The following BCAS1 variants were observed in gnomAD, a reference collection of about 807,000 sequenced individuals.
BCAS1 encodes breast carcinoma-amplified sequence 1.
In BCAS1, 46 loss-of-function variants were observed where a neutral mutation model predicts 65.4. The ratio of observed to expected loss-of-function variants is 0.70; its 90% CI spans 0.55 to 0.90. The LOEUF (loss-of-function observed/expected upper bound fraction) is 0.90. BCAS1 is among the 40% of genes least tolerant of loss of function. The pLI is 0.00. For synonymous variants in BCAS1, 298 were observed against 293.5 expected (o/e 1.02, Z -0.16); for missense variants, 793 against 771.2 (o/e 1.03, Z -0.33).
intron 8 of BCAS1, among the ~76,000 whole-genome samples, chr20:53,982,482 G>A (rs1384711596): frequency 1.3e-5 from 2 of 152,072 alleles, no homozygotes; most frequent in Non-Finnish European, 2.9e-5. Flanking sequence ...CCTGTTCTGG[G>A]AAAAATTCAT....
rs866249997 is a variant in BCAS1, at chr20:53,988,555, C to T, written c.1063-3056G>A. ...ATAGTTTTACATATTTTCGGGGGGT[C>T]CATGTGATATTTTGATGCCTGTATA... On this transcript the variant is annotated intron_variant, in intron 7 of 12. Transcript: ENST00000688948. Among the ~76,000 whole-genome samples, 6 of 152,142 alleles carry T rather than the reference C, an allele frequency of 3.9e-5. No homozygotes were observed. In the South Asian group the frequency reaches 1.2e-3, roughly 32 times the overall value.
At chr20:53,969,898 C>G (rs1043362269) in intron 9 of BCAS1, among the ~76,000 whole-genome samples, 13 of 152,158 alleles carry the variant, frequency 8.5e-5, no homozygotes, top group African/African-American at 3.1e-4. Context: ...CACTTACCCC[C>G]AGGCTACTTA....
At chr20:53,988,767 A>G (rs2090679146) in intron 7 of BCAS1, among the ~76,000 whole-genome samples, 1 of 152,220 alleles carries the variant, frequency 6.6e-6, no homozygotes, top group African/African-American at 2.4e-5. Context: ...ACTAATTTTT[A>G]TGCCAATTTC....
chr20:53,994,638 C>T (rs2090853764), intron 6 of BCAS1, among the ~76,000 whole-genome samples: 1 of 152,092 alleles, frequency 6.6e-6, no homozygotes, highest in Non-Finnish European at 1.5e-5. Flanking sequence ...TTCTACTTTA[C>T]ATGGACTGTT....
intron 3 of BCAS1, among the ~76,000 whole-genome samples, chr20:54,042,812 A>G (rs1029813441): frequency 1.3e-5 from 2 of 152,256 alleles, no homozygotes; most frequent in Admixed American, 1.3e-4. Context: ...GGTGGGATTC[A>G]AAGTGGACTG....
chr20:53,978,299 A>G (rs1411461842), intron 8 of BCAS1, among the ~76,000 whole-genome samples: 1 of 152,078 alleles, frequency 6.6e-6, no homozygotes, highest in Non-Finnish European at 1.5e-5. Context: ...ACCTCTATTC[A>G]GTTGATGTTT....
chr20:53,944,909 C>A lies in BCAS1; in HGVS notation c.*13G>T, dbSNP rs552320640. 1 of 1,613,038 alleles carries A rather than the reference C, an allele frequency of 6.2e-7. No homozygotes were observed. Among genetic ancestry groups the A allele is most frequent in the South Asian group, 1.1e-5 (1 of 91,034 alleles). ...GGTGGCAGGAGAACCTGGTGGGAAC[C>A]GTGCTGATTTGTTTACTTGGATTTG... On this transcript the variant is annotated 3_prime_UTR_variant, in exon 13 of 13. Transcript: ENST00000688948.
At chr20:53,981,380 T>A (rs2090473924) in intron 8 of BCAS1, among the ~76,000 whole-genome samples, 1 of 152,142 alleles carries the variant, frequency 6.6e-6, no homozygotes, top group East Asian at 1.9e-4. Flanking sequence ...TTCAGATACG[T>A]TTTTTAAGTT....
chr20:53,957,338 T>A (rs931654030), intron 11 of BCAS1, 94 bp downstream of exon 11: 2 of 1,151,464 alleles, frequency 1.7e-6, no homozygotes. Context: ...TTAAATGAGT[T>A]GGCTGTGGCT....
chr20:54,024,307 G>T (rs1276267448), intron 4 of BCAS1, among the ~76,000 whole-genome samples: 1 of 152,194 alleles, frequency 6.6e-6, no homozygotes, highest in African/African-American at 2.4e-5. Context: ...AGTAGAGACA[G>T]GATGAACTTG....
intron 4 of BCAS1, among the ~76,000 whole-genome samples, chr20:53,999,823 C>G (rs1456827758): frequency 6.6e-6 from 1 of 152,112 alleles, no homozygotes; most frequent in Non-Finnish European, 1.5e-5. Context: ...CTCTGTCTCC[C>G]TGGCTCAAGC....
rs535964723 is a variant in BCAS1 at position 54,070,469 on chromosome 20, G to C, written c.-42C>G. 1.6e-4 allele frequency: 24 copies of C among 152,554 alleles called. No homozygotes were observed. Among genetic ancestry groups the C allele is most frequent in the Non-Finnish European group, 2.6e-4 (18 of 68,268 alleles). 9.5% of individuals were successfully genotyped at this position (152,554 alleles called of 1,614,324 possible). ...CTGTGGGAGTATCTTCAGTCCCCTC[G>C]TGTCACCCGGAGCTGCTCCTGCACA... On this transcript the variant is annotated 5_prime_UTR_variant, in exon 1 of 13. Coordinates refer to ENST00000688948, the MANE Select transcript of BCAS1 (RefSeq NM_001366298.2).
At chr20:53,953,794 G>A in intron 11 of BCAS1, 99 bp from the exon 12 acceptor site, 2 of 1,360,358 alleles carry the variant, frequency 1.5e-6, no homozygotes, top group Non-Finnish European at 2.0e-6. Context: ...CAAATGTTGG[G>A]TGGTATCTAC....
chr20:53,957,014 T>C (rs1019674941), intron 11 of BCAS1, among the ~76,000 whole-genome samples: 1 of 152,190 alleles, frequency 6.6e-6, no homozygotes, highest in African/African-American at 2.4e-5. Flanking sequence ...AGGAGACTTC[T>C]TGCTCCACAG....
At chr20:54,035,420 A>AG (rs2091884241) in intron 3 of BCAS1, among the ~76,000 whole-genome samples, 1 of 147,388 alleles carries the variant, frequency 6.8e-6, no homozygotes, top group South Asian at 2.2e-4. Context: ...AAAAAAAAAA[A>AG]GAAGACATAC....
intron 4 of BCAS1, among the ~76,000 whole-genome samples, chr20:54,020,565 A>G (rs2091534426): frequency 6.6e-6 from 1 of 152,228 alleles, no homozygotes; most frequent in Admixed American, 6.5e-5. Flanking sequence ...TTGAACCATG[A>G]CGTGTACCAC....
intron 8 of BCAS1, among the ~76,000 whole-genome samples, chr20:53,978,305 T>C (rs970439171): frequency 6.6e-6 from 1 of 152,186 alleles, no homozygotes; most frequent in Non-Finnish European, 1.5e-5. Flanking sequence ...ATTCAGTTGA[T>C]GTTTTTCTTT....
rs760286926 is a variant in BCAS1 at position 54,058,154 on chromosome 20, C to T, written c.73G>A (p.Asp25Asn). 4 of 1,613,876 alleles carry T rather than the reference C, an allele frequency of 2.5e-6. No homozygotes were observed. In the African/African-American group the frequency reaches 4.0e-5, roughly 16 times the overall value. ...ENEPEAETYQ[D>N]NASALNGVPV... is the part of the protein sequence containing the mutation. Reference sequence around the variant, plus strand: ...ACCCCGTTCAGAGCAGACGCGTTGTCCTGAAACAGAGCACGTGGCATTGTG... The same window carrying T: ...ACCCCGTTCAGAGCAGACGCGTTGTTCTGAAACAGAGCACGTGGCATTGTG... Residue 25 changes from aspartate (D) to asparagine (N), a missense_variant and splice_region_variant, in exon 3 of 13, where the codon GAC (aspartate) becomes AAC (asparagine). Coordinates refer to ENST00000688948, the MANE Select transcript of BCAS1 (RefSeq NM_001366298.2).
intron 4 of BCAS1, among the ~76,000 whole-genome samples, chr20:53,996,461 T>TAAAAAAAAAAAAAAAAAA (rs143929524): frequency 2.0e-4 from 18 of 91,952 alleles, no homozygotes; most frequent in Non-Finnish European, 3.5e-4. Flanking sequence ...TTATATCAAC[T>TAAAAAAAAAAAAAAAAAA]AAAAAAAAAA....
Sources: allele counts gnomAD v4.1 joint callset (sites outside exome capture counted in the v4.1 genomes callset), GRCh38; gene constraint gnomAD v4.1.1; transcripts MANE v1.5; gene names NCBI Gene and HGNC (gene_info 2026-07-23, HGNC 2026-07-21).